Variants in UMOD observed in about 807,000 individuals in gnomAD.
UMOD encodes the protein uromodulin.
UMOD carries 64 observed loss-of-function variants against 66.0 expected under a neutral mutation model. The ratio of observed to expected loss-of-function variants is 0.97; its 90% confidence interval spans 0.79 to 1.19. UMOD has a LOEUF of 1.19. Among genes scored for constraint, UMOD ranks in the 50% most tolerant of loss-of-function variants. The pLI is 0.00. For synonymous variants in UMOD, 398 were observed against 352.7 expected (o/e 1.13, Z -1.44); for missense variants, 764 against 850.9 (o/e 0.90, Z 1.27).
intron 2 of UMOD, chr16:20,350,004 G>GT: frequency 2.3e-6 from 2 of 887,838 alleles, no homozygotes; most frequent in East Asian, 2.8e-5. Flanking sequence ...CGTGAGGTCA[G>GT]TTTTTTATGT....
intron 2 of UMOD, chr16:20,349,999 G>C (rs2141680087): frequency 2.0e-6 from 2 of 1,006,438 alleles, no homozygotes; most frequent in South Asian, 2.2e-5. Flanking sequence ...GGCCTCGTGA[G>C]GTCAGTTTTT....
At chr16:20,341,023 T>C in intron 7 of UMOD, 68 bp downstream of exon 7, 2 of 1,239,996 alleles carry the variant, frequency 1.6e-6, no homozygotes, top group Non-Finnish European at 1.2e-6. Flanking sequence ...GCAATTTTCC[T>C]CCATCCAAGT....
In UMOD at chr16:20,344,067, C is replaced by T. The variant is rs200394184; in HGVS notation, c.1288G>A (p.Asp430Asn). The T allele has an allele frequency of 1.6e-5, 26 of 1,613,956 alleles. No individual in the cohort carries two copies. The African/African-American group carries it at 3.1e-4, about 19-fold the overall frequency. ...KINFACSYPLDMKVSLKTALQ... is the reference protein window; with the variant it reads ...KINFACSYPLNMKVSLKTALQ... ...GCGGTCTTCAGGCTGACTTTCATGT[C>T]CAGGGGGTAGGAGCATGCAAAGTTG... Residue 430 changes from aspartate to asparagine, a missense_variant, in exon 6 of 11, where the codon GAC becomes AAC. Transcript: ENST00000396138.
chr16:20,346,367 G>A, intron 4 of UMOD, 33 bp from the exon 5 acceptor site: 1 of 1,612,050 alleles, frequency 6.2e-7, no homozygotes, highest in Non-Finnish European at 8.5e-7. Flanking sequence ...GAGGACGTGT[G>A]TCTATAGCTT....
Position 20,349,163 on chromosome 16 carries a change from G to A in UMOD, c.138C>T (p.Ala46=), listed in dbSNP as rs146858440. Reference sequence around the variant, plus strand: ...CCTCCTGACAGGTGCACGTCGTAACGGCCTCATCCTCCGTGCAGGTGGCAT... The same window carrying A: ...CCTCCTGACAGGTGCACGTCGTAACAGCCTCATCCTCCGTGCAGGTGGCAT... ...HSNATCTEDE[A]VTTCTCQEGF... Residue 46 remains alanine, a synonymous_variant, in exon 3 of 11, where the codon GCC becomes GCT. Transcript: ENST00000396138. The A allele has an allele frequency of 8.1e-6, 13 of 1,613,946 alleles. No homozygotes were observed. The highest frequency in any genetic ancestry group is 1.1e-5 in the Non-Finnish European group (13 of 1,180,036).
chr16:20,339,451 A>G (rs1008575992), intron 7 of UMOD, among the ~76,000 whole-genome samples: 1 of 152,264 alleles, frequency 6.6e-6, no homozygotes, highest in East Asian at 1.9e-4. Context: ...ACAGGACCAT[A>G]CAATGAGGAC....
At chr16:20,346,781 G>A (rs1420836632) in intron 4 of UMOD, among the ~76,000 whole-genome samples, 2 of 152,154 alleles carry the variant, frequency 1.3e-5, no homozygotes, top group East Asian at 1.9e-4. Context: ...AGTAATAGTA[G>A]CCAAAGGAGA....
At chr16:20,349,237 A>T in intron 2 of UMOD, 25 bp from the exon 3 acceptor site, 1 of 1,609,370 alleles carries the variant, frequency 6.2e-7, no homozygotes, top group Non-Finnish European at 8.5e-7. Flanking sequence ...GCCCAGCTTC[A>T]GGGTTTGGGC....
rs921037204 is a variant in UMOD, at chr16:20,348,653, G to A, written c.648C>T (p.Thr216=). 1 of 1,565,218 alleles carries A rather than the reference G, an allele frequency of 6.4e-7. No individual in the cohort carries two copies. The highest frequency in any genetic ancestry group is 1.3e-5 in the African/African-American group (1 of 74,176). The change falls in exon 3 of 11, where the codon ACC becomes ACT. Residue 216 remains threonine (T), a synonymous_variant. Transcript: ENST00000396138. The stretch of plus-strand genomic sequence containing the variant: ...TGTTGCAGCGCAGGACTGGCACGCA[G>A]GTCTCGGCCATGCGCGCACCGCCCT... The part of the protein sequence containing the change: ...VGQGGARMAE[T]CVPVLRCNTA...
chr16:20,347,478 A>G (rs951456745), intron 4 of UMOD, among the ~76,000 whole-genome samples: 3 of 152,210 alleles, frequency 2.0e-5, no homozygotes, highest in Non-Finnish European at 4.4e-5. Context: ...TGGAAGTATT[A>G]CACAACTGCT....
intron 6 of UMOD, chr16:20,342,613 G>C (rs1000835140): frequency 6.6e-6 from 1 of 152,246 alleles, no homozygotes; most frequent in Admixed American, 6.5e-5. Flanking sequence ...TGGTCAAGTG[G>C]AGGCTCTGGA....
At chr16:20,336,783 C>A in intron 8 of UMOD, 56 bp from the exon 9 acceptor site, 1 of 1,544,578 alleles carries the variant, frequency 6.5e-7, no homozygotes, top group East Asian at 2.3e-5. Context: ...GAATGTGGTT[C>A]TGCCACGTGG....
At chr16:20,340,685 G>C (rs1259318401) in intron 7 of UMOD, among the ~76,000 whole-genome samples, 1 of 151,902 alleles carries the variant, frequency 6.6e-6, no homozygotes, top group African/African-American at 2.4e-5. Flanking sequence ...TCAGCTAAAG[G>C]GTAATGAATA....
At position 20,344,159 on chromosome 16, in the gene UMOD, TG is replaced by T. The variant is rs780493255; in HGVS notation, c.1195del (p.His399MetfsTer33). The T allele has an allele frequency of 2.1e-6, 3 of 1,398,526 alleles. No individual in the cohort carries two copies. The Admixed American group carries it at 5.9e-5, about 27-fold the overall frequency. 86.6% of individuals were successfully genotyped at this position (1,398,526 alleles called of 1,614,324 possible). A position where few individuals can be genotyped will look rare whatever the true frequency, so the allele number is the denominator to read the frequency against. On this transcript the variant is annotated frameshift_variant, in exon 6 of 11. Transcript: ENST00000396138. LOFTEE classifies it high-confidence loss of function. ...GTAGAGGGTGTTGCTGTAAGTGGCA[TG>T]GGTTTCATTCCTCTGTTGCAGGGAA... ...CGTVLTRNETHATYSNTLYLA... is the reference protein window; with the variant it reads ...CGTVLTRNETXATYSNTLYLA...
rs551764832 is a variant in UMOD, at chr16:20,344,286, C to T, written c.1183-114G>A. On this transcript the variant is annotated intron_variant, in intron 5 of 10. Transcript: ENST00000396138. ...GTCTCATGTCTGGCTACTTGTGAGC[C>T]GCTCTCCTAGTCTCCTTGATAAAAA... The T allele has an allele frequency of 1.3e-5, 14 of 1,078,596 alleles. No homozygotes were observed. The East Asian group carries it at 1.7e-4, about 13-fold the overall frequency. 66.8% of individuals were successfully genotyped at this position (1,078,596 alleles called of 1,614,324 possible).
Position 20,345,986 on chromosome 16 carries a change from A to G in UMOD, c.1182+140T>C, listed in dbSNP as rs1965558673. 8.2e-6 allele frequency: 6 copies of G among 729,102 alleles called. 1 individual carries two copies. The highest frequency in any genetic ancestry group is 3.5e-5 in the African/African-American group (2 of 56,568). The allele number at this position is 729,102 out of a possible 1,614,324, so 45.2% of individuals were successfully genotyped here. The stretch of plus-strand genomic sequence containing the variant: ...ATACACCTGTGGAGTAGGTACTATT[A>G]TTTCTCCACTTTACAGTTGATGAAA... On this transcript the variant is annotated intron_variant, in intron 5 of 10. Coordinates refer to ENST00000396138, the MANE Select transcript of UMOD (RefSeq NM_003361.4).
intron 6 of UMOD, among the ~76,000 whole-genome samples, chr16:20,342,095 A>G (rs1035497179): frequency 3.3e-4 from 51 of 152,352 alleles, no homozygotes; most frequent in African/African-American, 1.1e-3. Flanking sequence ...CTGTAATCCC[A>G]ATACTTTAGG....
intron 10 of UMOD, among the ~76,000 whole-genome samples, chr16:20,334,958 A>C (rs1339899161): frequency 6.7e-6 from 1 of 149,434 alleles, no homozygotes; most frequent in East Asian, 2.0e-4. Context: ...TCAGCCTCCC[A>C]AGTAGCTGGG....
At chr16:20,354,090 A>AT (rs1447687109), upstream of UMOD, among the ~76,000 whole-genome samples, 2 of 152,126 alleles carry the variant, frequency 1.3e-5, no homozygotes, top group African/African-American at 2.4e-5. Context: ...ATGAACTCAT[A>AT]TTTTTTATGG....
Sources: allele counts gnomAD v4.1 joint callset (sites outside exome capture counted in the v4.1 genomes callset), GRCh38; gene constraint gnomAD v4.1.1; transcripts MANE v1.5; gene names NCBI Gene and HGNC (gene_info 2026-07-23, HGNC 2026-07-21).